CCDC148: variants seen among roughly 807,000 people sequenced by gnomAD.
CCDC148 encodes coiled-coil domain containing 148, also known as coiled-coil domain-containing protein 148.
A neutral mutation model predicts 85.7 loss-of-function variants in CCDC148; 89 were observed. The observed-to-expected ratio is 1.04, with a 90% CI of 0.87 to 1.24. The LOEUF (loss-of-function observed/expected upper bound fraction) is 1.24. Among genes scored for constraint, CCDC148 ranks in the 50% most tolerant of loss-of-function variants. CCDC148 has a pLI of 0.00. For missense variants in CCDC148, 692 were observed against 671.7 expected, an observed-to-expected ratio of 1.03 and a Z score of -0.33; for synonymous variants, 230 against 213.9, an observed-to-expected ratio of 1.08 and a Z score of -0.66.
chr2:158,229,666 C>T (rs907617703), intron 10 of CCDC148, among the ~76,000 whole-genome samples: 1 of 152,076 alleles, frequency 6.6e-6, no homozygotes, highest in Non-Finnish European at 1.5e-5. Flanking sequence ...GGTATTTTTC[C>T]TCCTGTTCAA....
intron 9 of CCDC148, among the ~76,000 whole-genome samples, chr2:158,291,747 C>A (rs1690906004): frequency 6.6e-6 from 1 of 152,218 alleles, no homozygotes; most frequent in Non-Finnish European, 1.5e-5. Flanking sequence ...GGATGAATTA[C>A]TCATCTCCAA....
At chr2:158,216,465 C>T (rs183732259) in intron 11 of CCDC148, among the ~76,000 whole-genome samples, 3,322 of 133,754 alleles carry the variant, frequency 0.025, 46 homozygotes, top group East Asian at 0.076. Flanking sequence ...GGCATGATCT[C>T]GGCTCACTGC....
Position 158,334,679 on chromosome 2 carries a change from A to C in CCDC148, c.764+4047T>G, listed in dbSNP as rs1475415684. 5.9e-5 allele frequency among the ~76,000 whole-genome samples: 9 copies of C among 151,934 alleles called. No individual in the cohort carries two copies. The South Asian group carries it at 1.7e-3, about 28-fold the overall frequency. On this transcript the variant is annotated intron_variant, in intron 7 of 13. Transcript: ENST00000283233. Reference sequence around the variant, plus strand: ...CTCTTTAATAATCTGATATTACCCCAGTTTTGAAATTAGCCTTTATTGTAA... The same window carrying C: ...CTCTTTAATAATCTGATATTACCCCCGTTTTGAAATTAGCCTTTATTGTAA...
At chr2:158,393,989 G>A (rs79260998) in intron 1 of CCDC148, among the ~76,000 whole-genome samples, 22,718 of 152,032 alleles carry the variant, frequency 0.15, 2,211 homozygotes, top group Non-Finnish European at 0.21. Flanking sequence ...AGCCTTCCGA[G>A]TTCCTAGATC....
At chr2:158,452,748 T>A (rs1688456331) in intron 1 of CCDC148, among the ~76,000 whole-genome samples, 1 of 152,208 alleles carries the variant, frequency 6.6e-6, no homozygotes, top group Non-Finnish European at 1.5e-5. Flanking sequence ...AGGTGCATTG[T>A]TATGAGGTGT....
chr2:158,430,310 A>C (rs925903244), intron 1 of CCDC148, among the ~76,000 whole-genome samples: 2 of 152,200 alleles, frequency 1.3e-5, no homozygotes, highest in Non-Finnish European at 2.9e-5. Flanking sequence ...AACAAGCCTC[A>C]ACCTGATCCA....
At chr2:158,326,140 C>T (rs1376818541) in intron 7 of CCDC148, among the ~76,000 whole-genome samples, 1 of 152,176 alleles carries the variant, frequency 6.6e-6, no homozygotes, top group African/African-American at 2.4e-5. Context: ...CCTTCTACTA[C>T]TCTCCAGATC....
At chr2:158,239,835 C>T (rs986946282) in intron 10 of CCDC148, among the ~76,000 whole-genome samples, 9 of 152,004 alleles carry the variant, frequency 5.9e-5, no homozygotes, top group African/African-American at 2.2e-4. Context: ...AAAACATATG[C>T]TATCGTCTCC....
intron 7 of CCDC148, among the ~76,000 whole-genome samples, chr2:158,333,647 G>A (rs973160819): frequency 1.3e-5 from 2 of 152,122 alleles, no homozygotes; most frequent in African/African-American, 4.8e-5. Flanking sequence ...TTGTGTGGGA[G>A]TCTAAGTCTC....
chr2:158,315,427 T>C (rs932737199), intron 7 of CCDC148, among the ~76,000 whole-genome samples: 20 of 152,110 alleles, frequency 1.3e-4, no homozygotes, highest in African/African-American at 3.9e-4. Flanking sequence ...AACAAAAAAA[T>C]AGAACTAAAG....
intron 10 of CCDC148, among the ~76,000 whole-genome samples, chr2:158,243,337 A>G (rs936586843): frequency 6.6e-6 from 1 of 152,050 alleles, no homozygotes; most frequent in South Asian, 2.1e-4. Flanking sequence ...CCTGCCTCCC[A>G]TCACTATAAT....
intron 9 of CCDC148, among the ~76,000 whole-genome samples, chr2:158,279,757 A>G (rs932532295): frequency 2.6e-5 from 4 of 152,084 alleles, no homozygotes; most frequent in Non-Finnish European, 5.9e-5. Context: ...CAACGTTCAG[A>G]TTCAGGAAAT....
intron 11 of CCDC148, among the ~76,000 whole-genome samples, chr2:158,204,475 A>T (rs1214430773): frequency 1.3e-5 from 2 of 152,184 alleles, no homozygotes; most frequent in Non-Finnish European, 2.9e-5. Context: ...CCTGGAGCTC[A>T]GAGGCATTAT....
chr2:158,305,980 T>C (rs991915797), intron 9 of CCDC148, among the ~76,000 whole-genome samples: 8 of 152,142 alleles, frequency 5.3e-5, no homozygotes, highest in African/African-American at 1.9e-4. Context: ...TAAAATGCAT[T>C]ATGCTAAGTG....
chr2:158,220,744 T>A (rs763949671), intron 10 of CCDC148, 31 bp from the exon 11 acceptor site: 20 of 1,471,990 alleles, frequency 1.4e-5, no homozygotes, highest in Non-Finnish European at 1.8e-5. Flanking sequence ...AAAATTTAAA[T>A]TAACAACAGA....
chr2:158,366,218 T>C, intron 1 of CCDC148: 1 of 558,982 alleles, frequency 1.8e-6, no homozygotes, highest in Non-Finnish European at 3.0e-6. Flanking sequence ...TTTGCTTTTC[T>C]TGCCCCTAGA....
chr2:158,452,196 C>T (rs2193704), intron 1 of CCDC148, among the ~76,000 whole-genome samples: 1 of 151,886 alleles, frequency 6.6e-6, no homozygotes, highest in South Asian at 2.1e-4. Flanking sequence ...CCTATACCAT[C>T]GTAACAGAAG....
intron 1 of CCDC148, among the ~76,000 whole-genome samples, chr2:158,361,973 T>C (rs1337704649): frequency 1.5e-5 from 2 of 132,560 alleles, no homozygotes; most frequent in African/African-American, 5.7e-5. Flanking sequence ...GATGGAGGAA[T>C]ATTTACCAAG....
chr2:158,183,237 G>C (rs750075247), intron 11 of CCDC148, among the ~76,000 whole-genome samples: 1 of 152,132 alleles, frequency 6.6e-6, no homozygotes, highest in Admixed American at 6.6e-5. Context: ...TAAGCCTCCA[G>C]GCCTGAGTGT....
Sources: allele counts gnomAD v4.1 joint callset (sites outside exome capture counted in the v4.1 genomes callset), GRCh38; gene constraint gnomAD v4.1.1; transcripts MANE v1.5; gene names NCBI Gene and HGNC (gene_info 2026-07-23, HGNC 2026-07-21).